Variants in MBOAT2 observed in about 807,000 individuals in gnomAD.
MBOAT2 encodes the protein membrane-bound glycerophospholipid O-acyltransferase 2.
In MBOAT2, 28 loss-of-function variants were observed where a neutral mutation model predicts 63.4. The observed-to-expected ratio is 0.44, with a 90% confidence interval of 0.33 to 0.61. MBOAT2 has a LOEUF of 0.61. Ranked by LOEUF, MBOAT2 falls within the 20% of genes least tolerant of loss-of-function variation. The pLI, the probability that MBOAT2 is intolerant of heterozygous loss-of-function variation, is 0.03. For synonymous variants in MBOAT2, 211 were observed against 215.6 expected, an observed-to-expected ratio of 0.98 and a Z score of 0.19; for missense variants, 470 against 605.8, an observed-to-expected ratio of 0.78 and a Z score of 2.35.
At chr2:8,914,225 G>A (rs1472749598) in intron 3 of MBOAT2, among the ~76,000 whole-genome samples, 1 of 152,150 alleles carries the variant, frequency 6.6e-6, no homozygotes, top group Non-Finnish European at 1.5e-5. Context: ...AGTGTATACT[G>A]CTTGGGTGAT....
At chr2:8,900,216 T>C (rs1010037229) in intron 4 of MBOAT2, among the ~76,000 whole-genome samples, 3 of 152,174 alleles carry the variant, frequency 2.0e-5, no homozygotes, top group Non-Finnish European at 4.4e-5. Context: ...TGGAGATCCA[T>C]ACTGGGGATG....
At chr2:8,984,527 C>G (rs1671417965) in intron 1 of MBOAT2, among the ~76,000 whole-genome samples, 2 of 152,016 alleles carry the variant, frequency 1.3e-5, no homozygotes, top group South Asian at 4.2e-4. Flanking sequence ...AAAGGGTGTT[C>G]CTTAAGTGGG....
At chr2:8,966,731 C>CCAAA (rs1670023072) in intron 1 of MBOAT2, among the ~76,000 whole-genome samples, 3 of 152,172 alleles carry the variant, frequency 2.0e-5, no homozygotes, top group Admixed American at 6.6e-5. Flanking sequence ...ATACCAAATG[C>CCAAA]AGACTACAAT....
In MBOAT2 at chr2:8,862,423, G is replaced by A; in HGVS notation, c.1185+167C>T. On this transcript the variant is annotated intron_variant, in intron 11 of 12. Transcript: ENST00000305997. This position sits in a 1 kb window ranked among gnomAD's most constrained non-coding sequence, Gnocchi z 4.3. ...AACTGGGCATGGAGCCTAGCCCGTG[G>A]TGAGCGCTCAGCAAACATGCACGCA... is the stretch of plus-strand genomic sequence containing the variant. The A allele has an allele frequency of 7.6e-7, 1 of 1,323,908 alleles. No homozygotes were observed. Among genetic ancestry groups the A allele is most frequent in the Non-Finnish European group, 1.0e-6 (1 of 974,916 alleles). The allele number at this position is 1,323,908 out of a possible 1,614,324, so 82.0% of individuals were successfully genotyped here.
At chr2:8,979,829 C>T (rs1417474148) in intron 1 of MBOAT2, among the ~76,000 whole-genome samples, 1 of 152,126 alleles carries the variant, frequency 6.6e-6, no homozygotes, top group African/African-American at 2.4e-5. Flanking sequence ...TCATGTTGTG[C>T]TGACAACGCA....
At chr2:8,930,444 G>A (rs1236856583) in intron 3 of MBOAT2, among the ~76,000 whole-genome samples, 1 of 152,046 alleles carries the variant, frequency 6.6e-6, no homozygotes, top group Non-Finnish European at 1.5e-5. Context: ...ATTCCATGGT[G>A]TATATGTGCC....
chr2:8,882,613 T>A, intron 5 of MBOAT2, 48 bp from the exon 6 acceptor site: 1 of 1,578,576 alleles, frequency 6.3e-7, no homozygotes. Flanking sequence ...CTCCCCAAAA[T>A]GGCATTTTTG....
intron 1 of MBOAT2, among the ~76,000 whole-genome samples, chr2:8,998,666 G>C (rs952596943): frequency 6.6e-6 from 1 of 150,850 alleles, no homozygotes; most frequent in Non-Finnish European, 1.5e-5. Flanking sequence ...GTCCAAAAAG[G>C]AAACAAGGAT....
At chr2:8,982,839 G>A (rs775189544) in intron 1 of MBOAT2, among the ~76,000 whole-genome samples, 9 of 152,026 alleles carry the variant, frequency 5.9e-5, no homozygotes, top group Non-Finnish European at 1.3e-4. Flanking sequence ...TTCCTCATCA[G>A]AACACAAACC....
At chr2:8,919,752 G>T (rs1372336261) in intron 3 of MBOAT2, among the ~76,000 whole-genome samples, 1 of 151,826 alleles carries the variant, frequency 6.6e-6, no homozygotes, top group Non-Finnish European at 1.5e-5. Flanking sequence ...ATTTTATTAT[G>T]ATTCATTTTT....
Position 8,856,369 on chromosome 2 carries a change from CCTT to C in MBOAT2, c.*2307_*2309del, listed in dbSNP as rs1256062255. ...CAAAACCCAACAAGTTTGTATTAAG[CCTT>C]CTTGTTTTCACTTATGACATGCCTG... is the stretch of plus-strand genomic sequence containing the variant. On this transcript the variant is annotated 3_prime_UTR_variant, in exon 13 of 13. Transcript: ENST00000305997. The surrounding 1 kb of genome is among the most constrained non-coding windows in gnomAD (Gnocchi z 4.2). 3 of 151,616 alleles carry C rather than the reference CCTT, an allele frequency of 2.0e-5. No homozygotes were observed. The highest frequency in any genetic ancestry group is 1.9e-4 in the East Asian group (1 of 5,156). 9.4% of individuals were successfully genotyped at this position (151,616 alleles called of 1,614,324 possible).
chr2:8,903,347 G>GCCTGCTTAATAAA (rs1207558920), intron 4 of MBOAT2, among the ~76,000 whole-genome samples: 81 of 152,290 alleles, frequency 5.3e-4, no homozygotes, highest in African/African-American at 1.9e-3. Flanking sequence ...AATGCACAGT[G>GCCTGCTTAATAAA]CCTGCTTAAT....
rs551138485 is a variant in MBOAT2 at position 8,970,540 on chromosome 2, T to C, written c.76-11898A>G. Among the ~76,000 whole-genome samples, 124 of 152,078 alleles carry C rather than the reference T, an allele frequency of 8.2e-4. 1 individual carries two copies. Among genetic ancestry groups the C allele is most frequent in the African/African-American group, 2.6e-3 (109 of 41,468 alleles). ...AAGATCAGAGCAGAACTGAAGGAGATAGAGACACAAACAACCCTTCAAAAA... is the reference window on the plus strand; with the variant it reads ...AAGATCAGAGCAGAACTGAAGGAGACAGAGACACAAACAACCCTTCAAAAA... On this transcript the variant is annotated intron_variant, in intron 1 of 12. Transcript: ENST00000305997.
intron 1 of MBOAT2, among the ~76,000 whole-genome samples, chr2:8,965,721 T>C (rs900332704): frequency 3.3e-5 from 5 of 152,146 alleles, no homozygotes; most frequent in East Asian, 1.9e-4. Context: ...CATACACTTA[T>C]ATGTAATTGA....
chr2:8,935,202 C>T (rs555752727), intron 3 of MBOAT2, among the ~76,000 whole-genome samples: 3 of 152,082 alleles, frequency 2.0e-5, no homozygotes, highest in Non-Finnish European at 4.4e-5. Context: ...GCAAGTCAAC[C>T]CATCAAGAGT....
chr2:8,911,198 G>T (rs965029469), intron 3 of MBOAT2, among the ~76,000 whole-genome samples: 16 of 152,118 alleles, frequency 1.1e-4, no homozygotes, highest in African/African-American at 3.9e-4. Context: ...TAGTCCACTG[G>T]TCCTCAAATC....
Position 8,855,754 on chromosome 2 carries a change from G to C in MBOAT2, c.*2925C>G, listed in dbSNP as rs1158197581. On this transcript the variant is annotated 3_prime_UTR_variant, in exon 13 of 13. Coordinates refer to ENST00000305997, the MANE Select transcript of MBOAT2 (RefSeq NM_138799.4). ...CTTACTGTTTCAAGAAAATGAAATT[G>C]AAGGATGAGTAGTTATTTTTGTTCA... The C allele has an allele frequency of 6.6e-6, 1 of 152,154 alleles. No homozygotes were observed. Among genetic ancestry groups the C allele is most frequent in the Admixed American group, 6.5e-5 (1 of 15,272 alleles). The allele number at this position is 152,154 out of a possible 1,614,324, so 9.4% of individuals were successfully genotyped here.
intron 3 of MBOAT2, among the ~76,000 whole-genome samples, chr2:8,914,934 C>CTTTTTTTTTTTTT (rs938665533): frequency 1.0e-4 from 6 of 60,234 alleles, no homozygotes; most frequent in Admixed American, 2.5e-4. Context: ...CTGGAAATTT[C>CTTTTTTTTTTTTT]TTTTTTTTTT....
At chr2:8,908,376 C>T (rs1414961452) in intron 4 of MBOAT2, 1 of 357,520 alleles carries the variant, frequency 2.8e-6, no homozygotes, top group Non-Finnish European at 5.1e-6. Context: ...CTGACCTAGC[C>T]CAAGGACCTA....
Sources: gnomAD v4.1 joint callset for allele counts (sites outside exome capture counted in the v4.1 genomes callset) on GRCh38, gnomAD v4.1.1 for gene constraint, Gnocchi (gnomAD v3.1) non-coding constraint, MANE v1.5 for transcripts, NCBI Gene and HGNC (gene_info 2026-07-23, HGNC 2026-07-21) for gene names.